Variants in PCDHGB1 observed in about 807,000 individuals in gnomAD.
The protein encoded by PCDHGB1 is protocadherin gamma subfamily B, 1.
A neutral mutation model predicts 56.6 loss-of-function variants in PCDHGB1; 34 were observed. The ratio of observed to expected loss-of-function variants is 0.60; its 90% CI spans 0.46 to 0.80. The LOEUF (loss-of-function observed/expected upper bound fraction) is 0.80, where lower values mean the gene tolerates loss of function less well. Among genes scored for constraint, PCDHGB1 ranks in the 30% least tolerant of loss-of-function variants. The probability of loss-of-function intolerance (pLI) is 0.00; values close to 1 mark genes in which losing one functional copy is unlikely to be tolerated. For missense variants in PCDHGB1, 1,278 were observed against 1,204.6 expected (o/e 1.06, Z -0.90); for synonymous variants, 561 against 505.9 (o/e 1.11, Z -1.46).
At chr5:141,360,581 G>T in intron 1 of PCDHGB1, 1 of 1,613,946 alleles carries the variant, frequency 6.2e-7, no homozygotes, top group Non-Finnish European at 8.5e-7. Flanking sequence ...ACTAAGCCAG[G>T]TACAACATTT....
chr5:141,494,394 T>C (rs1437164389), intron 1 of PCDHGB1, among the ~76,000 whole-genome samples: 1 of 152,154 alleles, frequency 6.6e-6, no homozygotes, highest in African/African-American at 2.4e-5. Flanking sequence ...GTTGAATAAA[T>C]TCATTCTAGG....
At position 141,476,746 on chromosome 5, in the gene PCDHGB1, C is replaced by A; in HGVS notation, c.2410-18061C>A. 1 of 1,614,068 alleles carries A rather than the reference C, an allele frequency of 6.2e-7. No homozygotes were observed. On this transcript the variant is annotated intron_variant, in intron 1 of 3. Transcript: ENST00000523390. The surrounding 1 kb of genome is among the most constrained non-coding windows in gnomAD (Gnocchi z 7.6). ...TGGACCGAGAACGGGAGCCTAGTCT[C>A]CAGTTAGTGCTGACGGCGTTGGACG...
At chr5:141,361,332 G>C (rs544332613) in intron 1 of PCDHGB1, 1 of 1,613,934 alleles carries the variant, frequency 6.2e-7, no homozygotes, top group African/African-American at 1.3e-5. Context: ...CTTCCTCAAA[G>C]AACTATTACA....
rs1335438500 is a variant in PCDHGB1 at position 141,355,543 on chromosome 5, A to T, written c.2409+2874A>T. On this transcript the variant is annotated intron_variant, in intron 1 of 3. Coordinates refer to ENST00000523390, the MANE Select transcript of PCDHGB1 (RefSeq NM_018922.3). ...GGAGATTCTTCTAGAAGATACAGTG[A>T]AGATTTTGCGGGTAGAGGTGGAAAT... is the stretch of plus-strand genomic sequence containing the variant. 5 of 1,613,942 alleles carry T rather than the reference A, an allele frequency of 3.1e-6. No individual in the cohort carries two copies. The East Asian group carries it at 6.7e-5, about 22-fold the overall frequency.
At chr5:141,376,831 C>A in intron 1 of PCDHGB1, 1 of 256,752 alleles carries the variant, frequency 3.9e-6, no homozygotes, top group Non-Finnish European at 7.4e-6. Context: ...GGACTACAGG[C>A]GCCCGCCACC....
intron 1 of PCDHGB1, chr5:141,394,500 C>A (rs1450931785): frequency 3.7e-6 from 6 of 1,614,124 alleles, no homozygotes; most frequent in Non-Finnish European, 5.1e-6. Context: ...GCCCGAGATC[C>A]TGTACCCCGC....
rs1007767889 is a variant in PCDHGB1, at chr5:141,360,273, C to G, written c.2409+7604C>G. On this transcript the variant is annotated intron_variant, in intron 1 of 3. Coordinates refer to ENST00000523390, the MANE Select transcript of PCDHGB1 (RefSeq NM_018922.3). Reference sequence around the variant, plus strand: ...CAGAGGAGCTGGCCAAAAACTCGGTCGTAGGAAACCTCGCCAAGGATCTGG... The same window carrying G: ...CAGAGGAGCTGGCCAAAAACTCGGTGGTAGGAAACCTCGCCAAGGATCTGG... 6.8e-6 allele frequency: 11 copies of G among 1,613,778 alleles called. No individual in the cohort carries two copies. The Admixed American group carries it at 8.3e-5, about 12-fold the overall frequency.
rs758982878 is a variant in PCDHGB1, at chr5:141,366,077, G to A, written c.2409+13408G>A. 1.9e-6 allele frequency: 3 copies of A among 1,614,248 alleles called. No individual in the cohort carries two copies. The South Asian group carries it at 3.3e-5, about 18-fold the overall frequency. ...CGTGGAGCTGGCGCCTCGCTCCGCA[G>A]AACCTGGCTACCTGGTGACCAAGGT... On this transcript the variant is annotated intron_variant, in intron 1 of 3. Coordinates refer to ENST00000523390, the MANE Select transcript of PCDHGB1 (RefSeq NM_018922.3).
chr5:141,370,723 C>G, intron 1 of PCDHGB1: 1 of 1,613,808 alleles, frequency 6.2e-7, no homozygotes, highest in South Asian at 1.1e-5. Context: ...GAAATGGTTG[C>G]TGAAAAGCCT....
At chr5:141,418,829 C>T in intron 1 of PCDHGB1, 1 of 1,613,856 alleles carries the variant, frequency 6.2e-7, no homozygotes, top group Non-Finnish European at 8.5e-7. Flanking sequence ...AGCAAAAGAC[C>T]GAGGATCTCT....
At chr5:141,352,818 G>C in intron 1 of PCDHGB1, 149 bp downstream of exon 1, 3 of 812,672 alleles carry the variant, frequency 3.7e-6, no homozygotes, top group South Asian at 3.7e-5. Flanking sequence ...GGTAAAACCC[G>C]GTCTACTAAA....
In PCDHGB1 at chr5:141,423,069, G is replaced by A. The variant is rs1364397726; in HGVS notation, c.2409+70400G>A. ...CCTATCGCCTGCTTAAGGCCAGCGA[G>A]CCGGGACTCTTCGCGGTGGGGGAGC... On this transcript the variant is annotated intron_variant, in intron 1 of 3. Transcript: ENST00000523390. 8 of 1,614,034 alleles carry A rather than the reference G, an allele frequency of 5.0e-6. No homozygotes were observed. In the African/African-American group the frequency reaches 1.1e-4, roughly 22 times the overall value.
intron 1 of PCDHGB1, chr5:141,419,828 AC>A (rs1189387492): frequency 6.2e-7 from 1 of 1,614,022 alleles, no homozygotes; most frequent in Non-Finnish European, 8.5e-7. Flanking sequence ...CCTTTCAGCC[AC>A]TGCCACGCTG....
chr5:141,502,126 A>C (rs2154593060), intron 2 of PCDHGB1, among the ~76,000 whole-genome samples: 1 of 152,252 alleles, frequency 6.6e-6, no homozygotes, highest in South Asian at 2.1e-4. Flanking sequence ...AGGCCCACAG[A>C]GCTCAGTCGG....
At chr5:141,409,639 G>T (rs948112966) in intron 1 of PCDHGB1, 2 of 1,613,760 alleles carry the variant, frequency 1.2e-6, no homozygotes, top group African/African-American at 1.3e-5. Flanking sequence ...CCTCTGACCC[G>T]GATTTGGGGC....
At position 141,431,604 on chromosome 5, in the gene PCDHGB1, G is replaced by A; in HGVS notation, c.2410-63203G>A. On this transcript the variant is annotated intron_variant, in intron 1 of 3. Coordinates refer to ENST00000523390, the MANE Select transcript of PCDHGB1 (RefSeq NM_018922.3). The surrounding 1 kb of genome is among the most constrained non-coding windows in gnomAD (Gnocchi z 4.8). ...AATGCGGAAGTGAGGTATTCCTTCCGGTATGTGGACGACAAGGCGGCCCAA... is the reference window on the plus strand; with the variant it reads ...AATGCGGAAGTGAGGTATTCCTTCCAGTATGTGGACGACAAGGCGGCCCAA... 8 of 1,614,206 alleles carry A rather than the reference G, an allele frequency of 5.0e-6. No individual in the cohort carries two copies. Among genetic ancestry groups the A allele is most frequent in the Non-Finnish European group, 6.8e-6 (8 of 1,180,046 alleles).
At chr5:141,355,428 C>A in intron 1 of PCDHGB1, 1 of 1,614,082 alleles carries the variant, frequency 6.2e-7, no homozygotes, top group Non-Finnish European at 8.5e-7. Context: ...AGCTTTTCGC[C>A]CTGAACCCGC....
chr5:141,407,497 G>GTTTTTTTTTTTTTTTTT (rs1554102286), intron 1 of PCDHGB1, among the ~76,000 whole-genome samples: 2 of 151,970 alleles, frequency 1.3e-5, no homozygotes, highest in African/African-American at 4.8e-5. Context: ...CTTTATTTCT[G>GTTTTTTTTTTTTTTTTT]TTTTTCTTAG....
At chr5:141,392,834 C>T in intron 1 of PCDHGB1, 2 of 1,607,664 alleles carry the variant, frequency 1.2e-6, no homozygotes, top group Non-Finnish European at 1.7e-6. Flanking sequence ...CACAGAGTCG[C>T]CCCAGACGCG....
Sources: allele counts gnomAD v4.1 joint callset (sites outside exome capture counted in the v4.1 genomes callset), GRCh38; gene constraint gnomAD v4.1.1; non-coding constraint Gnocchi (gnomAD v3.1); transcripts MANE v1.5; gene names NCBI Gene and HGNC (gene_info 2026-07-23, HGNC 2026-07-21).